The following UMAD1 variants were observed in gnomAD, a reference collection of about 807,000 sequenced individuals.
UMAD1 encodes UBAP1-MVB12-associated (UMA) domain containing 1.
A neutral mutation model predicts 6.1 loss-of-function variants in UMAD1; 8 were observed. That is an observed-to-expected ratio of 1.30 (90% CI 0.76 to 2.35). UMAD1 has a LOEUF of 2.35. Ranked by LOEUF, UMAD1 falls within the 30% of genes most tolerant of loss-of-function variation. The probability of loss-of-function intolerance (pLI) is 0.00; values close to 1 mark genes in which losing one functional copy is unlikely to be tolerated. For missense variants in UMAD1, 130 were observed against 78.4 expected (o/e 1.66, Z -2.49); for synonymous variants, 56 against 31.4 (o/e 1.78, Z -2.61).
chr7:7,769,480 G>C (rs1782059011), intron 2 of UMAD1, among the ~76,000 whole-genome samples: 3 of 152,142 alleles, frequency 2.0e-5, no homozygotes, highest in Admixed American at 1.3e-4. Context: ...GCCTTAGAGA[G>C]CCTCCCCCAC....
At chr7:7,716,017 T>TC (rs1780893251) in intron 2 of UMAD1, among the ~76,000 whole-genome samples, 1 of 152,190 alleles carries the variant, frequency 6.6e-6, no homozygotes, top group Non-Finnish European at 1.5e-5. Flanking sequence ...CGAATAATTT[T>TC]TTAAATTAGA....
intron 2 of UMAD1, among the ~76,000 whole-genome samples, chr7:7,693,824 C>A (rs1407802315): frequency 6.6e-6 from 1 of 152,094 alleles, no homozygotes; most frequent in African/African-American, 2.4e-5. Context: ...CATATTAACA[C>A]TACTTACCAT....
Position 7,685,464 on chromosome 7 carries a change from C to T in UMAD1, c.82+12011C>T, listed in dbSNP as rs147176199. Among the ~76,000 whole-genome samples the T allele has an allele frequency of 5.0e-3, 767 of 152,082 alleles. 8 individuals are homozygous for T. Among genetic ancestry groups the T allele is most frequent in the African/African-American group, 0.018 (728 of 41,482 alleles). ...AGCTGGGACTACAGGTGTGCGCCAC[C>T]ACGCCCACCAAGTTTTGTATTTTTA... On this transcript the variant is annotated intron_variant, in intron 2 of 3. Coordinates refer to ENST00000682710, the MANE Select transcript of UMAD1 (RefSeq NM_001302348.2).
intron 2 of UMAD1, among the ~76,000 whole-genome samples, chr7:7,800,559 AC>A (rs1563216577): frequency 6.6e-6 from 1 of 152,038 alleles, no homozygotes; most frequent in Non-Finnish European, 1.5e-5. Context: ...TGTACACTAT[AC>A]CCAAAGTATA....
chr7:7,721,183 T>G (rs913473300), intron 2 of UMAD1, among the ~76,000 whole-genome samples: 1 of 152,224 alleles, frequency 6.6e-6, no homozygotes, highest in African/African-American at 2.4e-5. Context: ...GATTGACGAT[T>G]TCTAGTCTCC....
chr7:7,831,614 T>G (rs1391483133), intron 3 of UMAD1, among the ~76,000 whole-genome samples: 1 of 152,148 alleles, frequency 6.6e-6, no homozygotes, highest in Non-Finnish European at 1.5e-5. Context: ...GTGACTTGAG[T>G]CAGCGTTGAG....
At chr7:7,673,125 T>TAAATTGG (rs1489419632) in intron 1 of UMAD1, among the ~76,000 whole-genome samples, 184 bp from the exon 2 acceptor site, 2 of 152,196 alleles carry the variant, frequency 1.3e-5, no homozygotes, top group Admixed American at 1.3e-4. Flanking sequence ...TACAGGAGTT[T>TAAATTGG]AAATTGGAAG....
chr7:7,828,080 C>T (rs1354502378), intron 3 of UMAD1, among the ~76,000 whole-genome samples: 3 of 152,150 alleles, frequency 2.0e-5, no homozygotes, highest in African/African-American at 7.2e-5. Flanking sequence ...GACTCTTTGT[C>T]ATTCACCACT....
At chr7:7,697,266 A>G (rs1780343846) in intron 2 of UMAD1, among the ~76,000 whole-genome samples, 1 of 152,318 alleles carries the variant, frequency 6.6e-6, no homozygotes, top group South Asian at 2.1e-4. Context: ...TAGGAATGAT[A>G]TCTTCTATCT....
chr7:7,657,936 A>G (rs1270950044), intron 1 of UMAD1, among the ~76,000 whole-genome samples: 1 of 152,124 alleles, frequency 6.6e-6, no homozygotes, highest in Non-Finnish European at 1.5e-5. Flanking sequence ...GATTCTTCCT[A>G]TCCATGAGCA....
chr7:7,704,538 A>G (rs541371802), intron 2 of UMAD1, among the ~76,000 whole-genome samples: 1 of 150,588 alleles, frequency 6.6e-6, no homozygotes, highest in South Asian at 2.1e-4. Flanking sequence ...GGCGGATCAC[A>G]AAGTCAGGAG....
At chr7:7,692,056 C>T (rs1780184868) in intron 2 of UMAD1, among the ~76,000 whole-genome samples, 1 of 152,210 alleles carries the variant, frequency 6.6e-6, no homozygotes, top group African/African-American at 2.4e-5. Context: ...ATGTTGATAA[C>T]TGCAGTTATT....
At chr7:7,875,554 A>G (rs1784401678) in intron 3 of UMAD1, among the ~76,000 whole-genome samples, 1 of 152,256 alleles carries the variant, frequency 6.6e-6, no homozygotes, top group African/African-American at 2.4e-5. Context: ...AGAGAATACT[A>G]TAAACACCTC....
intron 1 of UMAD1, among the ~76,000 whole-genome samples, chr7:7,654,043 T>C (rs1269191083): frequency 1.3e-5 from 2 of 152,198 alleles, no homozygotes; most frequent in African/African-American, 2.4e-5. Flanking sequence ...GTTTTTCATA[T>C]TGTGAATAAG....
intron 2 of UMAD1, among the ~76,000 whole-genome samples, chr7:7,711,042 T>C (rs1011858706): frequency 6.6e-6 from 1 of 151,932 alleles, no homozygotes; most frequent in African/African-American, 2.4e-5. Context: ...AAGGATGGGG[T>C]GAAAGTTAGA....
intron 1 of UMAD1, among the ~76,000 whole-genome samples, chr7:7,665,856 A>G (rs890633066): frequency 6.8e-6 from 1 of 147,428 alleles, no homozygotes; most frequent in Non-Finnish European, 1.5e-5. Flanking sequence ...TGCATGTTGT[A>G]GCATGTATCA....
At chr7:7,731,455 A>G (rs1473742296) in intron 2 of UMAD1, among the ~76,000 whole-genome samples, 1 of 116,796 alleles carries the variant, frequency 8.6e-6, no homozygotes, top group Non-Finnish European at 1.8e-5. Flanking sequence ...AAGAAAAAGG[A>G]AAAGGAAAAG....
intron 2 of UMAD1, among the ~76,000 whole-genome samples, chr7:7,797,843 C>A (rs1421797226): frequency 1.3e-5 from 2 of 152,084 alleles, no homozygotes; most frequent in Non-Finnish European, 2.9e-5. Context: ...CACATGCCAC[C>A]ACCCCCAGCT....
At chr7:7,701,853 G>T (rs62432582) in intron 2 of UMAD1, among the ~76,000 whole-genome samples, 22,004 of 152,072 alleles carry the variant, frequency 0.14, 2,060 homozygotes, top group Non-Finnish European at 0.21. Flanking sequence ...GGGTGTATTT[G>T]CTTTCTTCAG....
Sources: gnomAD v4.1 joint callset for allele counts (sites outside exome capture counted in the v4.1 genomes callset) on GRCh38, gnomAD v4.1.1 for gene constraint, MANE v1.5 for transcripts, NCBI Gene and HGNC (gene_info 2026-07-23, HGNC 2026-07-21) for gene names.